The following FAM107B variants were observed in gnomAD, a reference collection of about 807,000 sequenced individuals.
FAM107B encodes protein FAM107B.
FAM107B carries 21 observed loss-of-function variants against 31.5 expected under a neutral mutation model. The observed-to-expected ratio is 0.67, with a 90% CI of 0.47 to 0.96. The LOEUF (loss-of-function observed/expected upper bound fraction) is 0.96, where lower values mean the gene tolerates loss of function less well. FAM107B is among the 40% of genes least tolerant of loss of function. The pLI is 0.00. For synonymous variants in FAM107B, 157 were observed against 141.5 expected (o/e 1.11, Z -0.78); for missense variants, 452 against 377.1 (o/e 1.20, Z -1.64).
At chr10:14,671,878 A>G (rs36097342) in intron 1 of FAM107B, among the ~76,000 whole-genome samples, 13,159 of 68,032 alleles carry the variant, frequency 0.19, 632 homozygotes, top group East Asian at 0.38. Flanking sequence ...TATTTAAAAA[A>G]AAAAAACAAA....
intron 2 of FAM107B, among the ~76,000 whole-genome samples, chr10:14,551,004 T>A (rs912257751): frequency 6.6e-6 from 1 of 152,210 alleles, no homozygotes; most frequent in African/African-American, 2.4e-5. Context: ...TTAAAAAAAT[T>A]AATCTGAACA....
chr10:14,698,598 G>A (rs989319548), intron 1 of FAM107B, among the ~76,000 whole-genome samples: 2 of 152,186 alleles, frequency 1.3e-5, no homozygotes, highest in African/African-American at 2.4e-5. Context: ...CATTTCATAT[G>A]TGGACATGCC....
At chr10:14,616,972 T>A (rs1852870620) in intron 2 of FAM107B, among the ~76,000 whole-genome samples, 1 of 147,746 alleles carries the variant, frequency 6.8e-6, no homozygotes, top group Non-Finnish European at 1.5e-5. Flanking sequence ...AAAGTAAAAA[T>A]AAAAATAAGG....
intron 2 of FAM107B, among the ~76,000 whole-genome samples, chr10:14,611,849 T>TCAG (rs1852735441): frequency 6.6e-6 from 1 of 152,018 alleles, no homozygotes; most frequent in Non-Finnish European, 1.5e-5. Flanking sequence ...TGCATAAATT[T>TCAG]TTCCTTGCTA....
At chr10:14,723,939 A>G (rs1254393908) in intron 1 of FAM107B, 2 of 750,426 alleles carry the variant, frequency 2.7e-6, no homozygotes, top group Admixed American at 1.7e-5. Flanking sequence ...TTTTCCTTTT[A>G]TAGATGTGCT....
chr10:14,559,587 T>G (rs980464957), intron 2 of FAM107B, among the ~76,000 whole-genome samples: 1 of 151,650 alleles, frequency 6.6e-6, no homozygotes, highest in African/African-American at 2.4e-5. Flanking sequence ...TTTTTTTTTT[T>G]GAGATGGAGT....
At chr10:14,712,301 AG>A (rs1429496757) in intron 1 of FAM107B, among the ~76,000 whole-genome samples, 2 of 152,176 alleles carry the variant, frequency 1.3e-5, no homozygotes, top group African/African-American at 4.8e-5. Context: ...ATGTTTAAAA[AG>A]AAGTTGGGGC....
At chr10:14,668,649 C>G (rs545013504) in intron 1 of FAM107B, among the ~76,000 whole-genome samples, 1 of 152,272 alleles carries the variant, frequency 6.6e-6, no homozygotes, top group South Asian at 2.1e-4. Context: ...GATGACTTTA[C>G]GCCAATTAAT....
intron 1 of FAM107B, among the ~76,000 whole-genome samples, chr10:14,738,412 T>C (rs980718698): frequency 3.3e-5 from 5 of 152,188 alleles, no homozygotes; most frequent in African/African-American, 1.2e-4. Flanking sequence ...GTGTAACTGA[T>C]AGTTGTCTTG....
rs1855911441 is a variant in FAM107B, at chr10:14,721,455, CCCA to C, written c.411+52795_411+52797del. ...CACAATGGTTGAACTAATTTACACT[CCCA>C]CCAACTGTGTAAAAGTGTTCCTATT... On this transcript the variant is annotated intron_variant, in intron 1 of 4. Coordinates refer to ENST00000181796, the MANE Select transcript of FAM107B (RefSeq NM_031453.4). Among the ~76,000 whole-genome samples the C allele has an allele frequency of 7.2e-5, 11 of 152,332 alleles. No individual in the cohort carries two copies. The South Asian group carries it at 1.9e-3, about 26-fold the overall frequency.
At chr10:14,541,396 T>C (rs1217870160) in intron 2 of FAM107B, among the ~76,000 whole-genome samples, 1 of 152,156 alleles carries the variant, frequency 6.6e-6, no homozygotes, top group Non-Finnish European at 1.5e-5. Flanking sequence ...TTCTTAACTC[T>C]CTGGCATCAA....
chr10:14,548,640 A>G, intron 2 of FAM107B: 1 of 985,466 alleles, frequency 1.0e-6, no homozygotes, highest in South Asian at 4.7e-5. Flanking sequence ...CCAGCTGCGA[A>G]GGCAGGCACT....
chr10:14,664,338 C>T (rs1854351460), intron 2 of FAM107B, among the ~76,000 whole-genome samples: 1 of 152,228 alleles, frequency 6.6e-6, no homozygotes, highest in African/African-American at 2.4e-5. Context: ...ACTTTCCATA[C>T]ATTCCATGAG....
rs11259151 is a variant in FAM107B, at chr10:14,520,794, C to T, written c.*396G>A. On this transcript the variant is annotated 3_prime_UTR_variant, in exon 5 of 5. Coordinates refer to ENST00000181796, the MANE Select transcript of FAM107B (RefSeq NM_031453.4). ...AGATAACAAAAAGAGGAATTAAACA[C>T]TTGTTTTTTAGCTTTTAAAAGAAAA... is the stretch of plus-strand genomic sequence containing the variant. 71,536 of 162,772 alleles carry T rather than the reference C, an allele frequency of 0.44. 16,199 individuals are homozygous for T. Among genetic ancestry groups the T allele is most frequent in the South Asian group, 0.52 (2,583 of 4,938 alleles). 10.1% of individuals were successfully genotyped at this position (162,772 alleles called of 1,614,324 possible).
intron 3 of FAM107B, among the ~76,000 whole-genome samples, chr10:14,529,043 A>G (rs1240448305): frequency 1.3e-5 from 2 of 152,174 alleles, no homozygotes; most frequent in African/African-American, 4.8e-5. Context: ...ATAATCTGAA[A>G]ATCTTTGAGT....
chr10:14,624,307 T>C (rs1201177636), intron 2 of FAM107B, among the ~76,000 whole-genome samples: 1 of 152,140 alleles, frequency 6.6e-6, no homozygotes, highest in Admixed American at 6.5e-5. Context: ...GGAGAAGAAA[T>C]GGCCAAGCCA....
chr10:14,734,324 G>T (rs913292), intron 1 of FAM107B, among the ~76,000 whole-genome samples: 77,740 of 151,766 alleles, frequency 0.51, 22,688 homozygotes, highest in African/African-American at 0.82. Context: ...CAATTATATT[G>T]CCCTTACATT....
At chr10:14,586,128 CT>C (rs1435220122) in intron 2 of FAM107B, among the ~76,000 whole-genome samples, 1 of 152,172 alleles carries the variant, frequency 6.6e-6, no homozygotes, top group Non-Finnish European at 1.5e-5. Context: ...CTCCTGGTTA[CT>C]GGTGACCTCC....
chr10:14,593,570 T>A lies in FAM107B; in HGVS notation c.470-63055A>T, dbSNP rs534716020. Among the ~76,000 whole-genome samples the A allele has an allele frequency of 2.6e-5, 4 of 151,978 alleles. No individual in the cohort carries two copies. The East Asian group carries it at 7.7e-4, about 29-fold the overall frequency. On this transcript the variant is annotated intron_variant, in intron 2 of 4. Coordinates refer to ENST00000181796, the MANE Select transcript of FAM107B (RefSeq NM_031453.4). ...TTAGCCAGGCACAGTGGCGGGCACC[T>A]GTAATCCCAGCTACTCAGGAGGCTG...
Sources: gnomAD v4.1 joint callset for allele counts (sites outside exome capture counted in the v4.1 genomes callset) on GRCh38, gnomAD v4.1.1 for gene constraint, MANE v1.5 for transcripts, NCBI Gene and HGNC (gene_info 2026-07-23, HGNC 2026-07-21) for gene names.